CCSER1: variants seen among roughly 807,000 people sequenced by gnomAD.
CCSER1 encodes the protein coiled-coil serine rich protein 1.
Under a neutral mutation model 82.0 loss-of-function variants are expected in CCSER1, and 41 were observed. That is an observed-to-expected ratio of 0.50 (90% CI 0.39 to 0.65). The LOEUF is 0.65. CCSER1 is among the 30% of genes least tolerant of loss of function. The pLI is 0.00. For synonymous variants in CCSER1, 414 were observed against 383.9 expected (o/e 1.08, Z -0.92); for missense variants, 1,119 against 1,064.2 (o/e 1.05, Z -0.72).
rs189556182 is a variant in CCSER1, at chr4:90,500,678, C to T, written c.1724+32324C>T. Among the ~76,000 whole-genome samples the T allele has an allele frequency of 7.2e-4, 110 of 152,114 alleles. 1 individual carries two copies. Among genetic ancestry groups the T allele is most frequent in the Non-Finnish European group, 1.0e-4 (7 of 67,994 alleles). On this transcript the variant is annotated intron_variant, in intron 5 of 10. Transcript: ENST00000509176. ...TTTATATCATTTTACCTGGAAATAG[C>T]ATTACAGCATAGACTTGGAAGAGAA...
At chr4:90,193,050 A>G (rs536609667) in intron 1 of CCSER1, among the ~76,000 whole-genome samples, 2 of 152,246 alleles carry the variant, frequency 1.3e-5, no homozygotes, top group East Asian at 1.9e-4. Context: ...TCTCAGGAGC[A>G]AGTCCTACAT....
intron 6 of CCSER1, among the ~76,000 whole-genome samples, chr4:90,696,803 A>T (rs1218432719): frequency 6.6e-6 from 1 of 152,270 alleles, no homozygotes; most frequent in South Asian, 2.1e-4. Context: ...CAGAAAGCAT[A>T]TATAACTTGC....
intron 10 of CCSER1, among the ~76,000 whole-genome samples, chr4:91,097,160 A>G (rs1247677371): frequency 6.6e-6 from 1 of 152,206 alleles, no homozygotes; most frequent in Non-Finnish European, 1.5e-5. Context: ...TATTCTGAAT[A>G]TTCTGTATCA....
intron 5 of CCSER1, among the ~76,000 whole-genome samples, chr4:90,591,199 G>T (rs1303439559): frequency 2.6e-5 from 4 of 152,072 alleles, no homozygotes; most frequent in African/African-American, 9.7e-5. Flanking sequence ...TGAGAAAATG[G>T]GGTTTTCTAA....
At chr4:91,141,591 G>A (rs986566988) in intron 10 of CCSER1, among the ~76,000 whole-genome samples, 13 of 152,170 alleles carry the variant, frequency 8.5e-5, no homozygotes, top group African/African-American at 3.1e-4. Context: ...ATGGACATAT[G>A]AGTGCTTGTG....
At chr4:90,171,679 T>C (rs185289626) in intron 1 of CCSER1, among the ~76,000 whole-genome samples, 2 of 152,014 alleles carry the variant, frequency 1.3e-5, no homozygotes, top group East Asian at 3.9e-4. Context: ...TGGGCTTCTT[T>C]ACTTAGCAGC....
At chr4:91,301,808 C>T (rs963636418) in intron 10 of CCSER1, among the ~76,000 whole-genome samples, 4 of 151,790 alleles carry the variant, frequency 2.6e-5, no homozygotes, top group Non-Finnish European at 5.9e-5. Context: ...ATTAAGCCAC[C>T]AACAATGATG....
chr4:90,666,882 C>T (rs1448566659), intron 6 of CCSER1, among the ~76,000 whole-genome samples: 1 of 151,928 alleles, frequency 6.6e-6, no homozygotes, highest in East Asian at 1.9e-4. Context: ...GGCATGGGAG[C>T]GTCAGACAGA....
At chr4:91,595,943 T>TA (rs1170927227) in intron 10 of CCSER1, among the ~76,000 whole-genome samples, 9,835 of 78,496 alleles carry the variant, frequency 0.13, 563 homozygotes, top group African/African-American at 0.2. Context: ...ACAGAGAACT[T>TA]AAAAAAAAAA....
At chr4:90,622,591 C>T (rs1164630585) in intron 5 of CCSER1, among the ~76,000 whole-genome samples, 2 of 152,128 alleles carry the variant, frequency 1.3e-5, no homozygotes, top group African/African-American at 2.4e-5. Flanking sequence ...CTACAAAGGA[C>T]ATGAACTGTC....
At chr4:91,294,548 G>C (rs1383154622) in intron 10 of CCSER1, among the ~76,000 whole-genome samples, 1 of 151,738 alleles carries the variant, frequency 6.6e-6, no homozygotes, top group Non-Finnish European at 1.5e-5. Flanking sequence ...TGCAAAATCA[G>C]GATGGCAACA....
chr4:90,243,575 G>C (rs1252560473), intron 1 of CCSER1, among the ~76,000 whole-genome samples: 1 of 140,908 alleles, frequency 7.1e-6, no homozygotes, highest in East Asian at 2.1e-4. Flanking sequence ...TTGGGGAGGT[G>C]GGGGGTCTTG....
intron 10 of CCSER1, among the ~76,000 whole-genome samples, chr4:91,487,808 C>G (rs1758301367): frequency 6.6e-6 from 1 of 151,830 alleles, no homozygotes; most frequent in Non-Finnish European, 1.5e-5. Context: ...TAACATTCAA[C>G]TATATATCAT....
intron 5 of CCSER1, among the ~76,000 whole-genome samples, chr4:90,578,659 T>C (rs1393501537): frequency 6.6e-6 from 1 of 152,208 alleles, no homozygotes; most frequent in African/African-American, 2.4e-5. Flanking sequence ...ACGTTAATTG[T>C]ATCTGCAATC....
chr4:91,437,284 C>G (rs1308849578), intron 10 of CCSER1, among the ~76,000 whole-genome samples: 1 of 152,120 alleles, frequency 6.6e-6, no homozygotes, highest in Non-Finnish European at 1.5e-5. Context: ...CATGTTTGTT[C>G]AGAAGGCAGT....
chr4:91,034,646 A>G (rs1041207766), intron 9 of CCSER1, among the ~76,000 whole-genome samples: 4 of 152,306 alleles, frequency 2.6e-5, no homozygotes, highest in Admixed American at 6.5e-5. Context: ...GTGTGTGTCT[A>G]TAAGTTACTT....
intron 7 of CCSER1, among the ~76,000 whole-genome samples, chr4:90,782,175 G>A (rs1363781644): frequency 6.6e-6 from 1 of 152,042 alleles, no homozygotes. Flanking sequence ...AATACCACCA[G>A]GAGGCGTCTT....
intron 4 of CCSER1, among the ~76,000 whole-genome samples, chr4:90,453,926 A>G (rs1761829591): frequency 6.6e-6 from 1 of 152,170 alleles, no homozygotes; most frequent in Non-Finnish European, 1.5e-5. Context: ...CCTGGAATGT[A>G]ATGGTGGTCT....
intron 1 of CCSER1, among the ~76,000 whole-genome samples, chr4:90,256,535 C>G (rs996435827): frequency 6.6e-6 from 1 of 152,094 alleles, no homozygotes; most frequent in African/African-American, 2.4e-5. Context: ...AAAATGTTTA[C>G]TGAGTGCTGG....
Sources: allele counts gnomAD v4.1 joint callset (sites outside exome capture counted in the v4.1 genomes callset), GRCh38; gene constraint gnomAD v4.1.1; transcripts MANE v1.5; gene names NCBI Gene and HGNC (gene_info 2026-07-23, HGNC 2026-07-21).